TRIM24: variants seen among roughly 807,000 people sequenced by gnomAD.
TRIM24 encodes tripartite motif containing 24.
A neutral mutation model predicts 123.9 loss-of-function variants in TRIM24; 29 were observed. The observed-to-expected ratio is 0.23, with a 90% CI of 0.17 to 0.32. The LOEUF (loss-of-function observed/expected upper bound fraction) is 0.32, where lower values mean the gene tolerates loss of function less well. Ranked by LOEUF, TRIM24 falls within the 10% of genes least tolerant of loss-of-function variation. The pLI, the probability that TRIM24 is intolerant of heterozygous loss-of-function variation, is 1.00. For missense variants in TRIM24, 932 were observed against 1,295.3 expected (o/e 0.72, Z 4.31); for synonymous variants, 456 against 461.1 (o/e 0.99, Z 0.14).
chr7:138,499,036 C>G (rs1795974670), intron 1 of TRIM24, among the ~76,000 whole-genome samples: 1 of 152,028 alleles, frequency 6.6e-6, no homozygotes, highest in Admixed American at 6.6e-5. Flanking sequence ...CTATTGATTT[C>G]TGAGAGGGGA....
chr7:138,464,152 G>A (rs563796540), intron 1 of TRIM24, among the ~76,000 whole-genome samples: 34 of 151,318 alleles, frequency 2.2e-4, no homozygotes, highest in South Asian at 2.1e-3. Flanking sequence ...ATGCCACCAC[G>A]CCCGGCTAAT....
At chr7:138,503,348 GATATTTTAAA>G (rs1242752323) in intron 1 of TRIM24, among the ~76,000 whole-genome samples, 1 of 151,906 alleles carries the variant, frequency 6.6e-6, no homozygotes, top group African/African-American at 2.4e-5. Flanking sequence ...TCATGATTTA[GATATTTTAAA>G]ATATTTTAAA....
At chr7:138,531,453 T>C (rs1458213153) in intron 6 of TRIM24, among the ~76,000 whole-genome samples, 1 of 145,470 alleles carries the variant, frequency 6.9e-6, no homozygotes, top group South Asian at 2.4e-4. Flanking sequence ...CACCTATGAA[T>C]GAGAACATGC....
At chr7:138,490,809 G>A (rs2116498266) in intron 1 of TRIM24, 1 of 476,284 alleles carries the variant, frequency 2.1e-6, no homozygotes, top group South Asian at 1.6e-5. Context: ...CGGAATCAAT[G>A]TATTGACCAC....
chr7:138,475,146 A>G (rs976361545), intron 1 of TRIM24, among the ~76,000 whole-genome samples: 1 of 152,218 alleles, frequency 6.6e-6, no homozygotes, highest in Non-Finnish European at 1.5e-5. Flanking sequence ...AGATATTACT[A>G]CTTTAAATAG....
Position 138,581,757 on chromosome 7 carries a change from C to T in TRIM24, c.2779C>T (p.Pro927Ser). 6.2e-7 allele frequency: 1 copy of T among 1,612,520 alleles called. No homozygotes were observed. The highest frequency in any genetic ancestry group is 8.5e-7 in the Non-Finnish European group (1 of 1,179,150). Residue 927 changes from proline (P) to serine (S), a missense_variant, in exon 17 of 19, where the codon CCT becomes TCT. By Grantham distance (74) the Pro-to-Ser change is moderately conservative (BLOSUM62 -1). This residue lies in a region of TRIM24 where 16 missense variants were observed against 46.5 expected (regional missense o/e 0.34). Coordinates refer to ENST00000343526, the MANE Select transcript of TRIM24 (RefSeq NM_015905.3). ...CHEMSLAFQD[P>S]VPLTVPDYYK... ...TGAAATGAGCCTGGCTTTTCAAGAC[C>T]CTGTTCCTCTAACTGTAAGTATTAA...
intron 1 of TRIM24, among the ~76,000 whole-genome samples, chr7:138,492,655 A>G (rs1180739071): frequency 6.6e-6 from 1 of 152,186 alleles, no homozygotes; most frequent in Non-Finnish European, 1.5e-5. Context: ...GTTTGGGGAA[A>G]GTCTCAAATG....
rs1316023360 is a variant in TRIM24, at chr7:138,587,872, A to G, written c.*2921A>G. 2 of 152,260 alleles carry G rather than the reference A, an allele frequency of 1.3e-5. No homozygotes were observed. Among genetic ancestry groups the G allele is most frequent in the Non-Finnish European group, 2.9e-5 (2 of 68,060 alleles). The allele number at this position is 152,260 out of a possible 1,614,324, so 9.4% of individuals were successfully genotyped here. On this transcript the variant is annotated 3_prime_UTR_variant, in exon 19 of 19. Coordinates refer to ENST00000343526, the MANE Select transcript of TRIM24 (RefSeq NM_015905.3). Reference sequence around the variant, plus strand: ...AAGTATAAATGGATGGATGTAGACCATATTCAACGCAGAATACATTTTAGA... The same window carrying G: ...AAGTATAAATGGATGGATGTAGACCGTATTCAACGCAGAATACATTTTAGA...
intron 16 of TRIM24, 111 bp downstream of exon 16, chr7:138,580,805 AAGAGT>A: frequency 9.4e-7 from 1 of 1,058,648 alleles, no homozygotes; most frequent in Non-Finnish European, 1.3e-6. Flanking sequence ...CTTTTTATTT[AAGAGT>A]ATTTTTTTTT....
At chr7:138,479,027 G>A (rs1344844042) in intron 1 of TRIM24, among the ~76,000 whole-genome samples, 1 of 152,108 alleles carries the variant, frequency 6.6e-6, no homozygotes, top group African/African-American at 2.4e-5. Context: ...AACAAATTCT[G>A]TCAATTCTCC....
At chr7:138,505,247 A>G (rs184167504) in intron 2 of TRIM24, among the ~76,000 whole-genome samples, 157 of 152,332 alleles carry the variant, frequency 1.0e-3, no homozygotes, top group African/African-American at 3.6e-3. Context: ...TTGATTGCAT[A>G]CCCACATTCC....
rs1411354090 is a variant in TRIM24, at chr7:138,576,368, C to T, written c.2015-5C>T. 4.3e-6 allele frequency: 7 copies of T among 1,612,792 alleles called. No homozygotes were observed. In the Admixed American group the frequency reaches 5.0e-5, roughly 12 times the overall value. ...TTTATGAATGTATGGTTTCCCCCTCCTCAGGACCTGTTACTATGACTAGTG... is the reference window on the plus strand; with the variant it reads ...TTTATGAATGTATGGTTTCCCCCTCTTCAGGACCTGTTACTATGACTAGTG... On this transcript the variant is annotated splice_region_variant and splice_polypyrimidine_tract_variant and intron_variant, in intron 12 of 18. Transcript: ENST00000343526.
intron 6 of TRIM24, among the ~76,000 whole-genome samples, chr7:138,531,199 ATACATG>A (rs1258326687): frequency 6.7e-6 from 1 of 149,044 alleles, no homozygotes; most frequent in Non-Finnish European, 1.5e-5. Flanking sequence ...GTATACATGT[ATACATG>A]TATACGTGTA....
intron 6 of TRIM24, 22 bp from the exon 7 acceptor site, chr7:138,538,635 G>C: frequency 6.2e-7 from 1 of 1,612,950 alleles, no homozygotes; most frequent in Non-Finnish European, 8.5e-7. Flanking sequence ...TACTAATTTT[G>C]AAACTATTTT....
chr7:138,587,354 C>T lies in TRIM24; in HGVS notation c.*2403C>T, dbSNP rs1260388568. 1 of 152,046 alleles carries T rather than the reference C, an allele frequency of 6.6e-6. No individual in the cohort carries two copies. Among genetic ancestry groups the T allele is most frequent in the East Asian group, 1.9e-4 (1 of 5,192 alleles). The allele number at this position is 152,046 out of a possible 1,614,324, so 9.4% of individuals were successfully genotyped here. ...AGTGACAGAGACTCAGTCTCAAAAA[C>T]AAAAAGTAAAGGTCTTGGGTTTCTC... On this transcript the variant is annotated 3_prime_UTR_variant, in exon 19 of 19. Coordinates refer to ENST00000343526, the MANE Select transcript of TRIM24 (RefSeq NM_015905.3).
intron 1 of TRIM24, among the ~76,000 whole-genome samples, chr7:138,481,343 C>T (rs1372689125): frequency 2.0e-5 from 3 of 152,096 alleles, no homozygotes; most frequent in East Asian, 1.9e-4. Context: ...GCCTCAGCCT[C>T]CCAAATATCT....
At position 138,585,999 on chromosome 7, in the gene TRIM24, AT is replaced by A. The variant is rs199725947; in HGVS notation, c.*1060del. The A allele has an allele frequency of 0.11, 34,485 of 321,200 alleles. No homozygotes were observed. Among genetic ancestry groups the A allele is most frequent in the South Asian group, 0.18 (6,854 of 38,406 alleles). 19.9% of individuals were successfully genotyped at this position (321,200 alleles called of 1,614,324 possible). On this transcript the variant is annotated 3_prime_UTR_variant, in exon 19 of 19. Transcript: ENST00000343526. ...AGGCAGCTGGGGGGAATTAATAGTG[AT>A]TTTTTTTTTTTCCTGAAGCATCTAT...
intron 3 of TRIM24, among the ~76,000 whole-genome samples, chr7:138,518,569 T>C (rs949407242): frequency 1.3e-5 from 2 of 152,216 alleles, no homozygotes; most frequent in Non-Finnish European, 2.9e-5. Context: ...GGGTATTCTC[T>C]GTTAGGATTT....
intron 1 of TRIM24, among the ~76,000 whole-genome samples, chr7:138,495,906 A>G (rs1280871947): frequency 1.3e-5 from 2 of 152,190 alleles, no homozygotes; most frequent in Non-Finnish European, 1.5e-5. Context: ...TACTTGTTAT[A>G]TAATCGATAT....
Sources: gnomAD v4.1 joint callset for allele counts (sites outside exome capture counted in the v4.1 genomes callset) on GRCh38, gnomAD v4.1.1 for gene constraint, gnomAD v4.1.1 regional missense constraint, MANE v1.5 for transcripts, NCBI Gene and HGNC (gene_info 2026-07-23, HGNC 2026-07-21) for gene names.